The following PLEKHG1 variants were observed in gnomAD, a reference collection of about 807,000 sequenced individuals.
The protein encoded by PLEKHG1 is pleckstrin homology domain-containing family G member 1.
In PLEKHG1, 44 loss-of-function variants were observed where a neutral mutation model predicts 100.8. The ratio of observed to expected loss-of-function variants is 0.44; its 90% CI spans 0.34 to 0.56. The LOEUF (loss-of-function observed/expected upper bound fraction) is 0.56. Among genes scored for constraint, PLEKHG1 ranks in the 20% least tolerant of loss-of-function variants. PLEKHG1 has a pLI of 0.01. For missense variants in PLEKHG1, 1,545 were observed against 1,720.9 expected (o/e 0.90, Z 1.81); for synonymous variants, 640 against 662.5 (o/e 0.97, Z 0.52).
upstream of PLEKHG1, among the ~76,000 whole-genome samples, chr6:150,717,176 CAT>C (rs570482290): frequency 1.0e-3 from 155 of 152,230 alleles, 2 homozygotes; most frequent in African/African-American, 3.6e-3. Flanking sequence ...GAACTACAGA[CAT>C]GTGCCACCAC....
chr6:150,649,398 C>A (rs910995910), intron 2 of PLEKHG1, among the ~76,000 whole-genome samples: 1 of 152,156 alleles, frequency 6.6e-6, no homozygotes, highest in Non-Finnish European at 1.5e-5. Flanking sequence ...TAATGTTCCC[C>A]ACCAGTGCTA....
At chr6:150,807,922 T>C (rs1787235986) in intron 7 of PLEKHG1, among the ~76,000 whole-genome samples, 2 of 152,130 alleles carry the variant, frequency 1.3e-5, no homozygotes, top group African/African-American at 4.8e-5. Flanking sequence ...TGAGCCGAGA[T>C]TGTGCCACTG....
intron 3 of PLEKHG1, chr6:150,651,021 A>G (rs750826119): frequency 1.3e-5 from 2 of 152,210 alleles, no homozygotes; most frequent in African/African-American, 4.8e-5. Context: ...CTATACATGC[A>G]TATCTATAAT....
chr6:150,642,916 C>T (rs1381691492), intron 2 of PLEKHG1, among the ~76,000 whole-genome samples: 2 of 151,806 alleles, frequency 1.3e-5, no homozygotes, highest in Non-Finnish European at 1.5e-5. Flanking sequence ...GTAATAGTAG[C>T]GGTACTTAAG....
At chr6:150,789,267 A>G (rs1424136012) in intron 4 of PLEKHG1, among the ~76,000 whole-genome samples, 2 of 152,214 alleles carry the variant, frequency 1.3e-5, no homozygotes, top group Admixed American at 1.3e-4. Flanking sequence ...AACTAGAAGG[A>G]AATATCTTTT....
At chr6:150,834,256 G>A (rs1259991070) in intron 15 of PLEKHG1, among the ~76,000 whole-genome samples, 5 of 152,174 alleles carry the variant, frequency 3.3e-5, no homozygotes, top group South Asian at 2.1e-4. Context: ...GCGTTGCTAA[G>A]CTGGTTTGCT....
At chr6:150,721,749 T>C (rs1377518738) in intron 1 of PLEKHG1, among the ~76,000 whole-genome samples, 5 of 152,170 alleles carry the variant, frequency 3.3e-5, no homozygotes, top group African/African-American at 1.2e-4. Flanking sequence ...AGAAACACTT[T>C]TGTGAGGAAC....
At chr6:150,698,665 C>T (rs1552885) in intron 3 of PLEKHG1, among the ~76,000 whole-genome samples, 120,772 of 152,116 alleles carry the variant, frequency 0.79, 48,322 homozygotes, top group Non-Finnish European at 0.85. Context: ...CCAGACGATA[C>T]ATAAAGTTCT....
chr6:150,677,613 T>A lies in PLEKHG1; in HGVS notation c.-99+26827T>A, dbSNP rs191429220. Among the ~76,000 whole-genome samples, 6 of 152,272 alleles carry A rather than the reference T, an allele frequency of 3.9e-5. No individual in the cohort carries two copies. In the East Asian group the frequency reaches 1.2e-3, roughly 29 times the overall value. ...CCTGATACATACCCCTCATGTAGAA[T>A]GCTGTCAGTGCTTTGGGAAGCTGAG... On this transcript the variant is annotated intron_variant, in intron 3 of 3. Transcript: ENST00000367326.
At chr6:150,809,045 C>G (rs1043899416) in intron 7 of PLEKHG1, 60 bp from the exon 9 acceptor site, 2 of 1,483,792 alleles carry the variant, frequency 1.3e-6, no homozygotes, top group African/African-American at 1.4e-5. Flanking sequence ...GATGGGCCAC[C>G]AAGCCCTTGG....
intron 2 of PLEKHG1, 63 bp downstream of exon 3, chr6:150,734,155 C>G (rs1782444780): frequency 6.7e-7 from 1 of 1,503,012 alleles, no homozygotes; most frequent in East Asian, 2.3e-5. Flanking sequence ...AAAGAAATGA[C>G]AAAGCCAAGC....
At chr6:150,840,202 A>G in exon 16 of PLEKHG1, 3 of 1,614,218 alleles carry the variant, frequency 1.9e-6, no homozygotes, top group South Asian at 2.2e-5. Context: ...CCCAACAAAG[A>G]GAACTGGTGT....
intron 3 of PLEKHG1, among the ~76,000 whole-genome samples, chr6:150,701,213 G>A (rs113235464): frequency 0.036 from 5,408 of 150,118 alleles, 304 homozygotes; most frequent in African/African-American, 0.13. Flanking sequence ...CCAGCAACTC[G>A]GGAGTCTGAA....
intron 4 of PLEKHG1, among the ~76,000 whole-genome samples, chr6:150,791,706 A>G (rs1427289142): frequency 6.6e-6 from 1 of 151,870 alleles, no homozygotes; most frequent in Non-Finnish European, 1.5e-5. Context: ...GCTTCTTTGA[A>G]TATGAATTTC....
chr6:150,831,853 C>T lies in PLEKHG1; in HGVS notation c.2742C>T (p.Asn914=). 1 of 1,613,366 alleles carries T rather than the reference C, an allele frequency of 6.2e-7. No homozygotes were observed. The highest frequency in any genetic ancestry group is 8.5e-7 in the Non-Finnish European group (1 of 1,179,550). The change falls in exon 15 of 16, where the codon AAC becomes AAT. Residue 914 remains asparagine (N), a synonymous_variant. Coordinates refer to ENST00000358517, the Ensembl canonical transcript of PLEKHG1. This position sits in a 1 kb window ranked among gnomAD's most constrained non-coding sequence, Gnocchi z 4.1. ...GGGCTGGCAGAGCCAGCCGCGCCAACTGCCCCTTTGAGGAAGACCTGATTT... is the reference window on the plus strand; with the variant it reads ...GGGCTGGCAGAGCCAGCCGCGCCAATTGCCCCTTTGAGGAAGACCTGATTT...
At chr6:150,678,852 G>A (rs1779844597) in intron 3 of PLEKHG1, among the ~76,000 whole-genome samples, 1 of 152,036 alleles carries the variant, frequency 6.6e-6, no homozygotes, top group Admixed American at 6.5e-5. Flanking sequence ...AATATTTCTA[G>A]GTGATTTTTA....
At chr6:150,840,237 G>A in exon 16 of PLEKHG1, 2 of 1,614,134 alleles carry the variant, frequency 1.2e-6, no homozygotes, top group Non-Finnish European at 1.7e-6. Flanking sequence ...CAACTCCTTG[G>A]GTCGGAAAGG....
intron 13 of PLEKHG1, among the ~76,000 whole-genome samples, chr6:150,822,349 G>A (rs1235370292): frequency 6.6e-6 from 1 of 152,126 alleles, no homozygotes; most frequent in Non-Finnish European, 1.5e-5. Context: ...GTTGGTGGGA[G>A]TAAGTTTTTG....
At chr6:150,747,378 T>C (rs1562483631) in intron 2 of PLEKHG1, among the ~76,000 whole-genome samples, 1 of 152,222 alleles carries the variant, frequency 6.6e-6, no homozygotes, top group Non-Finnish European at 1.5e-5. Context: ...CCCTGTTCTG[T>C]AACACGTAGA....
Sources: gnomAD v4.1 joint callset for allele counts (sites outside exome capture counted in the v4.1 genomes callset) on GRCh38, gnomAD v4.1.1 for gene constraint, Gnocchi (gnomAD v3.1) non-coding constraint, MANE v1.5 for transcripts, NCBI Gene and HGNC (gene_info 2026-07-23, HGNC 2026-07-21) for gene names.